The following DNMT3L variants were observed in gnomAD, a reference collection of about 807,000 sequenced individuals.
DNMT3L encodes DNA methyltransferase 3 like, also known as DNA (cytosine-5)-methyltransferase 3-like.
Under a neutral mutation model 36.2 loss-of-function variants are expected in DNMT3L, and 33 were observed. The observed-to-expected ratio is 0.91, with a 90% CI of 0.69 to 1.22. DNMT3L has a LOEUF of 1.22. Among genes scored for constraint, DNMT3L ranks in the 50% most tolerant of loss-of-function variants. The probability of loss-of-function intolerance (pLI) is 0.00; values close to 1 mark genes in which losing one functional copy is unlikely to be tolerated. For missense variants in DNMT3L, 310 were observed against 303.1 expected (o/e 1.02, Z -0.17); for synonymous variants, 117 against 121.7 (o/e 0.96, Z 0.26).
chr21:44,255,489 G>A (rs1231456984), intron 7 of DNMT3L, among the ~76,000 whole-genome samples: 2 of 131,808 alleles, frequency 1.5e-5, no homozygotes, highest in African/African-American at 6.4e-5. Context: ...CTGGGCAACA[G>A]AGCGAGACTC....
At chr21:44,257,568 C>G (rs1213183003) in intron 6 of DNMT3L, among the ~76,000 whole-genome samples, 2 of 148,402 alleles carry the variant, frequency 1.3e-5, no homozygotes, top group Admixed American at 1.3e-4. Context: ...GTAGTCCCAG[C>G]TACTTGGGAG....
At chr21:44,255,457 G>A (rs946793662) in intron 7 of DNMT3L, among the ~76,000 whole-genome samples, 1 of 151,274 alleles carries the variant, frequency 6.6e-6, no homozygotes, top group African/African-American at 2.4e-5. Flanking sequence ...GGGGGCAGAG[G>A]TGCAGCGAGC....
rs1006468420 is a variant in DNMT3L, at chr21:44,261,139, C to G, written c.106+15G>C. On this transcript the variant is annotated intron_variant, in intron 2 of 11. Coordinates refer to ENST00000628202, the MANE Select transcript of DNMT3L (RefSeq NM_175867.3). Reference sequence around the variant, plus strand: ...CATCCTAAGTGACTGGTCCAATAAGCAGATGAGCCCTCACCTCTGCCTGTC... The same window carrying G: ...CATCCTAAGTGACTGGTCCAATAAGGAGATGAGCCCTCACCTCTGCCTGTC... 6.2e-7 allele frequency: 1 copy of G among 1,611,904 alleles called. No homozygotes were observed. The highest frequency in any genetic ancestry group is 8.5e-7 in the Non-Finnish European group (1 of 1,179,436).
At chr21:44,259,112 C>T (rs1057257077) in intron 5 of DNMT3L, among the ~76,000 whole-genome samples, 9 of 152,040 alleles carry the variant, frequency 5.9e-5, no homozygotes, top group Non-Finnish European at 1.3e-4. Flanking sequence ...GGAGCCGAGG[C>T]GAGGGAGTAA....
intron 7 of DNMT3L, among the ~76,000 whole-genome samples, chr21:44,255,447 G>A (rs1435533386): frequency 6.6e-6 from 1 of 151,786 alleles, no homozygotes; most frequent in East Asian, 1.9e-4. Context: ...GTTGAACCCG[G>A]GGGGCAGAGG....
In DNMT3L at chr21:44,258,594, A is replaced by C. The variant is rs754316327; in HGVS notation, c.445T>G (p.Ser149Ala). The part of the protein sequence containing the change: ...NWVCYLCLPS[S>A]RSGLLQRRRK... ...CGACGCTGCAGCAGCCCGCTTCGGGAGGACGGCAGGCACAGGTAGCACACC... is the reference window on the plus strand; with the variant it reads ...CGACGCTGCAGCAGCCCGCTTCGGGCGGACGGCAGGCACAGGTAGCACACC... Residue 149 changes from serine (S) to alanine (A), a missense_variant, in exon 6 of 12, where the codon TCC becomes GCC. Ser to Ala is a moderately conservative substitution (Grantham distance 99). Transcript: ENST00000628202. The surrounding 1 kb of genome is among the most constrained non-coding windows in gnomAD (Gnocchi z 6.2). 8.7e-6 allele frequency: 14 copies of C among 1,611,540 alleles called. No individual in the cohort carries two copies. The highest frequency in any genetic ancestry group is 1.1e-5 in the Non-Finnish European group (13 of 1,179,494).
At chr21:44,253,834 A>G (rs1440017112) in intron 8 of DNMT3L, among the ~76,000 whole-genome samples, 1 of 152,208 alleles carries the variant, frequency 6.6e-6, no homozygotes, top group East Asian at 1.9e-4. Flanking sequence ...CTCAAATCAC[A>G]TAACAGCCCG....
chr21:44,256,122 A>T lies in DNMT3L; in HGVS notation c.549T>A (p.Pro183=). 6.2e-7 allele frequency: 1 copy of T among 1,613,962 alleles called. No individual in the cohort carries two copies. The highest frequency in any genetic ancestry group is 1.1e-5 in the South Asian group (1 of 91,088). ...ENPLEMFETV[P]VWRRQPVRVL... is the part of the protein sequence containing the mutation. Reference sequence around the variant, plus strand: ...CCCGGACTGGCTGTCTCCTCCACACAGGCACGGTTTCGAACATCTCAAGGG... The same window carrying T: ...CCCGGACTGGCTGTCTCCTCCACACTGGCACGGTTTCGAACATCTCAAGGG... The change falls in exon 7 of 12, where the codon CCT becomes CCA. Residue 183 remains proline, a synonymous_variant. Transcript: ENST00000628202.
Position 44,259,471 on chromosome 21 carries a change from T to C in DNMT3L, c.310A>G (p.Thr104Ala), listed in dbSNP as rs1302898384. ...TCAGGGTTTCCGCAGATGAGCAGCGTCTCTCCGGAGCAGCAGATGGAGCAG... is the reference window on the plus strand; with the variant it reads ...TCAGGGTTTCCGCAGATGAGCAGCGCCTCTCCGGAGCAGCAGATGGAGCAG... ...SYCSICCSGE[T>A]LLICGNPDCT... Residue 104 changes from threonine to alanine, a missense_variant, in exon 5 of 12, where the codon ACG (threonine) becomes GCG (alanine). Thr to Ala is a moderately conservative substitution (Grantham distance 58, BLOSUM62 0). Transcript: ENST00000628202. The C allele has an allele frequency of 1.2e-6, 2 of 1,613,462 alleles. No individual in the cohort carries two copies. The highest frequency in any genetic ancestry group is 1.7e-6 in the Non-Finnish European group (2 of 1,180,012).
At position 44,258,420 on chromosome 21, in the gene DNMT3L, C is replaced by T. The variant is rs2040282266; in HGVS notation, c.516+103G>A. On this transcript the variant is annotated intron_variant, in intron 6 of 11. Transcript: ENST00000628202. The surrounding 1 kb of genome is among the most constrained non-coding windows in gnomAD (Gnocchi z 6.2). Reference sequence around the variant, plus strand: ...GAGTGTTTGCTCCCGAGGCTGCAGCCGTGGTGCCCGTCGGCGCGCCTGCAT... The same window carrying T: ...GAGTGTTTGCTCCCGAGGCTGCAGCTGTGGTGCCCGTCGGCGCGCCTGCAT... The T allele has an allele frequency of 3.5e-5, 50 of 1,421,516 alleles. No homozygotes were observed. The highest frequency in any genetic ancestry group is 7.4e-5 in the South Asian group (5 of 67,564). 88.1% of individuals were successfully genotyped at this position (1,421,516 alleles called of 1,614,324 possible).
At chr21:44,256,783 C>T (rs1202563838) in intron 6 of DNMT3L, among the ~76,000 whole-genome samples, 1 of 152,144 alleles carries the variant, frequency 6.6e-6, no homozygotes, top group Admixed American at 6.5e-5. Flanking sequence ...GCAGCCAGCT[C>T]CAGCCTCACA....
At chr21:44,255,456 G>A (rs946508303) in intron 7 of DNMT3L, among the ~76,000 whole-genome samples, 1 of 151,070 alleles carries the variant, frequency 6.6e-6, no homozygotes, top group Non-Finnish European at 1.5e-5. Context: ...GGGGGGCAGA[G>A]GTGCAGCGAG....
In DNMT3L at chr21:44,258,481, G is replaced by A; in HGVS notation, c.516+42C>T. The A allele has an allele frequency of 3.3e-6, 5 of 1,512,054 alleles. No homozygotes were observed. Among genetic ancestry groups the A allele is most frequent in the South Asian group, 1.3e-5 (1 of 78,926 alleles). 93.7% of individuals were successfully genotyped at this position (1,512,054 alleles called of 1,614,324 possible). On this transcript the variant is annotated intron_variant, in intron 6 of 11. Coordinates refer to ENST00000628202, the MANE Select transcript of DNMT3L (RefSeq NM_175867.3). This position sits in a 1 kb window ranked among gnomAD's most constrained non-coding sequence, Gnocchi z 6.2. Reference sequence around the variant, plus strand: ...GAACCGAGGGAAGGCCGTAAGTCAGGGCCTGCTGCTGCCGGGTGCTGCCCC... The same window carrying A: ...GAACCGAGGGAAGGCCGTAAGTCAGAGCCTGCTGCTGCCGGGTGCTGCCCC...
At position 44,261,255 on chromosome 21, in the gene DNMT3L, G is replaced by A. The variant is rs776282345; in HGVS notation, c.5C>T (p.Ala2Val). M[A>V]AIPALDPEAE... ...CTCTGGGTCCAGGGCTGGGATGGCC[G>A]CCATGGGGATGCTGTGTCAGGACAC... Residue 2 changes from alanine to valine, a missense_variant, in exon 2 of 12, where the codon GCG becomes GTG. Physicochemically the swap from Ala to Val is moderately conservative, Grantham distance 64 (BLOSUM62 0). Transcript: ENST00000628202. The A allele has an allele frequency of 1.4e-5, 23 of 1,612,176 alleles. No homozygotes were observed. The highest frequency in any genetic ancestry group is 2.2e-5 in the East Asian group (1 of 44,890).
intron 6 of DNMT3L, among the ~76,000 whole-genome samples, chr21:44,257,680 C>CAAAAAA (rs60313825): frequency 8.3e-6 from 1 of 120,422 alleles, no homozygotes; most frequent in Non-Finnish European, 1.8e-5. Context: ...GACTCCGTCT[C>CAAAAAA]AAAAAAAAAA....
Position 44,259,703 on chromosome 21 carries a change from T to C in DNMT3L, c.160A>G (p.Ile54Val). Reference protein sequence around the residue: ...ANQRNIEDICICCGSLQVHTQ... With the variant: ...ANQRNIEDICVCCGSLQVHTQ... Reference sequence around the variant, plus strand: ...TGAACCTGGAGACTTCCGCAGCAGATGCAGATGTCTAAAGGAAACATTCAA... The same window carrying C: ...TGAACCTGGAGACTTCCGCAGCAGACGCAGATGTCTAAAGGAAACATTCAA... The change falls in exon 4 of 12, where the codon ATC becomes GTC. Residue 54 changes from isoleucine to valine, a missense_variant. Coordinates refer to ENST00000628202, the MANE Select transcript of DNMT3L (RefSeq NM_175867.3). 1 of 1,610,858 alleles carries C rather than the reference T, an allele frequency of 6.2e-7. No homozygotes were observed. Among genetic ancestry groups the C allele is most frequent in the Non-Finnish European group, 8.5e-7 (1 of 1,178,534 alleles).
intron 1 of DNMT3L, 133 bp from the exon 2 acceptor site, chr21:44,261,399 A>T: frequency 1.3e-6 from 1 of 767,742 alleles, no homozygotes; most frequent in Non-Finnish European, 2.1e-6. Context: ...CCCCGCGGTG[A>T]CACCCACCTG....
rs559884276 is a variant in DNMT3L, at chr21:44,253,595, T to C, written c.693+1022A>G. On this transcript the variant is annotated intron_variant, in intron 8 of 11. Coordinates refer to ENST00000628202, the MANE Select transcript of DNMT3L (RefSeq NM_175867.3). Reference sequence around the variant, plus strand: ...TTAGCTGGGCATGGTGGCGGGTGCCTGTAATACCAGCTGCTTGGGAGGCTG... The same window carrying C: ...TTAGCTGGGCATGGTGGCGGGTGCCCGTAATACCAGCTGCTTGGGAGGCTG... Among the ~76,000 whole-genome samples the C allele has an allele frequency of 9.9e-5, 15 of 152,192 alleles. No homozygotes were observed. In the East Asian group the frequency reaches 2.9e-3, roughly 29 times the overall value.
At chr21:44,253,700 C>T (rs2040236374) in intron 8 of DNMT3L, among the ~76,000 whole-genome samples, 2 of 152,142 alleles carry the variant, frequency 1.3e-5, no homozygotes, top group Non-Finnish European at 2.9e-5. Context: ...GCCTGGGCAA[C>T]AGAGTGAGAC....
Sources: gnomAD v4.1 joint callset for allele counts (sites outside exome capture counted in the v4.1 genomes callset) on GRCh38, gnomAD v4.1.1 for gene constraint, Gnocchi (gnomAD v3.1) non-coding constraint, MANE v1.5 for transcripts, NCBI Gene and HGNC (gene_info 2026-07-23, HGNC 2026-07-21) for gene names.